Variants in ZFYVE26 observed in about 807,000 individuals in gnomAD.
ZFYVE26 encodes zinc finger FYVE-type containing 26, also known as zinc finger FYVE domain-containing protein 26.
In ZFYVE26, 181 loss-of-function variants were observed where a neutral mutation model predicts 276.5. The ratio of observed to expected loss-of-function variants is 0.65; its 90% CI spans 0.58 to 0.74. The LOEUF (loss-of-function observed/expected upper bound fraction) is 0.74. ZFYVE26 is among the 30% of genes least tolerant of loss of function. The pLI, the probability that ZFYVE26 is intolerant of heterozygous loss-of-function variation, is 0.00. For synonymous variants in ZFYVE26, 1,129 were observed against 1,203.1 expected (o/e 0.94, Z 1.27); for missense variants, 2,821 against 3,097.9 (o/e 0.91, Z 2.12).
intron 13 of ZFYVE26, among the ~76,000 whole-genome samples, chr14:67,740,070 C>A (rs879395790): frequency 1.6e-4 from 24 of 152,184 alleles, no homozygotes; most frequent in Admixed American, 4.6e-4. Context: ...TCTATTGGAT[C>A]CCCTGTATCC....
In ZFYVE26 at chr14:67,785,232, T is replaced by C; in HGVS notation, c.3350A>G (p.Gln1117Arg). The change falls in exon 19 of 42, where the codon CAG becomes CGG. Residue 1117 changes from glutamine (Q) to arginine (R), a missense_variant. Gln to Arg is a conservative substitution (Grantham distance 43, BLOSUM62 1). Coordinates refer to ENST00000347230, the MANE Select transcript of ZFYVE26 (RefSeq NM_015346.4). ...GTGGGCCTCTGCCTCTGGAGCTTTC[T>C]GGGCTGCCTGCTCCACCAGGGAAGA... ...PLSSLVEQAA[Q>R]KAPEAEAHPV... 3 of 1,613,398 alleles carry C rather than the reference T, an allele frequency of 1.9e-6. No individual in the cohort carries two copies. Among genetic ancestry groups the C allele is most frequent in the Non-Finnish European group, 2.5e-6 (3 of 1,179,578 alleles).
Position 67,799,645 on chromosome 14 carries a change from T to C in ZFYVE26, c.1640-1023A>G, listed in dbSNP as rs1410549761. 18 of 1,356,848 alleles carry C rather than the reference T, an allele frequency of 1.3e-5. No individual in the cohort carries two copies. In the Admixed American group the frequency reaches 2.2e-4, roughly 17 times the overall value. The allele number at this position is 1,356,848 out of a possible 1,614,324, so 84.1% of individuals were successfully genotyped here. A position where few individuals can be genotyped will look rare whatever the true frequency, so the allele number is the denominator to read the frequency against. ...CTCTTCAAAGGTCCTTAGGTGTAAATTGATGCCATGGTAGGCAAGGTGCTG... is the reference window on the plus strand; with the variant it reads ...CTCTTCAAAGGTCCTTAGGTGTAAACTGATGCCATGGTAGGCAAGGTGCTG... On this transcript the variant is annotated intron_variant, in intron 10 of 41. Transcript: ENST00000347230.
Position 67,769,741 on chromosome 14 carries a change from C to T in ZFYVE26, c.5485-11G>A, listed in dbSNP as rs1373101274. 1.2e-6 allele frequency: 2 copies of T among 1,613,890 alleles called. No homozygotes were observed. Among genetic ancestry groups the T allele is most frequent in the South Asian group, 2.2e-5 (2 of 91,070 alleles). On this transcript the variant is annotated splice_polypyrimidine_tract_variant and intron_variant, in intron 28 of 41. Coordinates refer to ENST00000347230, the MANE Select transcript of ZFYVE26 (RefSeq NM_015346.4). Reference sequence around the variant, plus strand: ...ATGACGCCTGTTAAACTGAGGAATGCCATCAGGAGGAGAAGAAAGAGGGAG... The same window carrying T: ...ATGACGCCTGTTAAACTGAGGAATGTCATCAGGAGGAGAAGAAAGAGGGAG...
chr14:67,803,999 G>C lies in ZFYVE26; in HGVS notation c.1435+102C>G, dbSNP rs895057538. ...GAGGAGACCTCCTCACCACCCTCTT[G>C]AAAGATCTCAGCAATCACATCTGGA... On this transcript the variant is annotated intron_variant, in intron 9 of 41. Transcript: ENST00000347230. The C allele has an allele frequency of 1.1e-4, 162 of 1,521,980 alleles. 1 individual carries two copies. Among genetic ancestry groups the C allele is most frequent in the Admixed American group, 1.5e-4 (9 of 59,524 alleles). 94.3% of individuals were successfully genotyped at this position (1,521,980 alleles called of 1,614,324 possible).
chr14:67,813,517 A>G (rs1329471014), intron 3 of ZFYVE26, among the ~76,000 whole-genome samples: 1 of 151,386 alleles, frequency 6.6e-6, no homozygotes, highest in Non-Finnish European at 1.5e-5. Flanking sequence ...ACTTGTTTTT[A>G]TATCTGGTAA....
intron 26 of ZFYVE26, 56 bp downstream of exon 26, chr14:67,775,804 G>T: frequency 1.2e-6 from 2 of 1,612,620 alleles, no homozygotes; most frequent in Non-Finnish European, 8.5e-7. Flanking sequence ...AACTAAGAAT[G>T]CAGCATGGCA....
In ZFYVE26 at chr14:67,757,654, CTTTCTTTCTT is replaced by C. The variant is rs1235861626; in HGVS notation, c.6589-1519_6589-1510del. On this transcript the variant is annotated intron_variant, in intron 35 of 41. Transcript: ENST00000347230. ...CAGATATTTTTGTCTTTCTTTCTTTCTTTCTTTCTTTCTTTCTTTCTTTCTTTCTCTCTCT... is the reference window on the plus strand; with the variant it reads ...CAGATATTTTTGTCTTTCTTTCTTTCTCTTTCTTTCTTTCTTTCTCTCTCT... Among the ~76,000 whole-genome samples the C allele has an allele frequency of 7.4e-3, 250 of 33,760 alleles. 1 individual carries two copies. Among genetic ancestry groups the C allele is most frequent in the Middle Eastern group, 0.038 (4 of 104 alleles). The allele number at this position is 33,760 out of a possible 152,430, so 22.1% of individuals were successfully genotyped here. A position where few individuals can be genotyped will look rare whatever the true frequency, so the allele number is the denominator to read the frequency against.
rs746778852 is a variant in ZFYVE26, at chr14:67,809,270, A to T, written c.293T>A (p.Phe98Tyr). The T allele has an allele frequency of 2.5e-6, 4 of 1,614,012 alleles. No individual in the cohort carries two copies. The Admixed American group carries it at 6.7e-5, about 27-fold the overall frequency. The change falls in exon 4 of 42, where the codon TTC (phenylalanine) becomes TAC (tyrosine). Residue 98 changes from phenylalanine to tyrosine, a missense_variant. Physicochemically the swap from Phe to Tyr is conservative, Grantham distance 22 (BLOSUM62 3). Transcript: ENST00000347230. ...AREKKLLPVV[F>Y]RRKLEFLLLS... is the part of the protein sequence containing the mutation. ...TAAAAGAAACTCAAGCTTTCTCCGG[A>T]AAACAACTGGGAGTAACTTCTAGAA...
chr14:67,768,892 T>A (rs1306136372), intron 29 of ZFYVE26, among the ~76,000 whole-genome samples: 2 of 152,122 alleles, frequency 1.3e-5, no homozygotes, highest in Non-Finnish European at 2.9e-5. Context: ...AATAATGCTA[T>A]GGAGGAGAAT....
In ZFYVE26 at chr14:67,797,740, C is replaced by T. The variant is rs772679356; in HGVS notation, c.2264G>A (p.Arg755Gln). The change falls in exon 12 of 42, where the codon CGA becomes CAA. Residue 755 changes from arginine (R) to glutamine (Q), a missense_variant. By Grantham distance (43) the Arg-to-Gln change is conservative. Coordinates refer to ENST00000347230, the MANE Select transcript of ZFYVE26 (RefSeq NM_015346.4). Reference sequence around the variant, plus strand: ...GTGACGTGTGGCAGGCTGGTATCTTCGGGAAGGTTGCTCCTCTGAAAGAGC... The same window carrying T: ...GTGACGTGTGGCAGGCTGGTATCTTTGGGAAGGTTGCTCCTCTGAAAGAGC... ...SNHRSEEQPS[R>Q]RYQPATRHPS... is the part of the protein sequence containing the mutation. 5.0e-5 allele frequency: 80 copies of T among 1,613,928 alleles called. No homozygotes were observed. The highest frequency in any genetic ancestry group is 9.9e-5 in the South Asian group (9 of 91,080).
intron 11 of ZFYVE26, 91 bp from the exon 12 acceptor site, chr14:67,797,846 T>C: frequency 1.9e-6 from 3 of 1,582,880 alleles, no homozygotes; most frequent in Non-Finnish European, 2.6e-6. Context: ...AGGTTTGCAC[T>C]GGGCTCTGAG....
chr14:67,742,703 G>A (rs538672364), downstream of ZFYVE26, among the ~76,000 whole-genome samples: 4 of 152,122 alleles, frequency 2.6e-5, no homozygotes, highest in Non-Finnish European at 4.4e-5. Flanking sequence ...TTTGGACATA[G>A]CTTGGACATA....
chr14:67,766,103 G>A, intron 32 of ZFYVE26, 124 bp downstream of exon 32: 1 of 982,996 alleles, frequency 1.0e-6, no homozygotes, highest in Non-Finnish European at 1.6e-6. Context: ...TTACACAGAT[G>A]AAAAATCTTT....
In ZFYVE26 at chr14:67,729,382, T is replaced by C. The variant is rs878853338; in HGVS notation, n.3117A>G. On this transcript the variant is annotated non_coding_transcript_exon_variant, in exon 14 of 15. Coordinates refer to the ZFYVE26 transcript ENST00000394455. ...GCCCCTGAGTGGCAAGTACTTCAGGTGTGTGAAGGCAATGCGGTTCTCTCC... is the reference window on the plus strand; with the variant it reads ...GCCCCTGAGTGGCAAGTACTTCAGGCGTGTGAAGGCAATGCGGTTCTCTCC... 6.3e-7 allele frequency: 1 copy of C among 1,597,106 alleles called. No individual in the cohort carries two copies. Among genetic ancestry groups the C allele is most frequent in the Non-Finnish European group, 8.5e-7 (1 of 1,179,622 alleles).
At chr14:67,791,116 A>G (rs969806649) in intron 14 of ZFYVE26, among the ~76,000 whole-genome samples, 5 of 152,240 alleles carry the variant, frequency 3.3e-5, no homozygotes, top group Admixed American at 2.6e-4. Context: ...ATAACAAAGC[A>G]CAAAAATAAA....
chr14:67,754,916 ACT>A, intron 37 of ZFYVE26, 133 bp downstream of exon 37: 1 of 1,015,844 alleles, frequency 9.8e-7, no homozygotes, highest in Admixed American at 1.8e-5. Context: ...TGTACTACAC[ACT>A]GTCATCCAGG....
At position 67,783,364 on chromosome 14, in the gene ZFYVE26, T is replaced by A. The variant is rs753068215; in HGVS notation, c.3788A>T (p.His1263Leu). Reference protein sequence around the residue: ...LGTLAQLHASHCLDDLPLSTP... With the variant: ...LGTLAQLHASLCLDDLPLSTP... The stretch of plus-strand genomic sequence containing the variant: ...AGAAAGTGGGAGGTCATCCAGGCAG[T>A]GAGAGGCGTGTAGCTGGGCCAGAGT... The change falls in exon 21 of 42, where the codon CAC becomes CTC. Residue 1263 changes from histidine (H) to leucine (L), a missense_variant. Physicochemically the swap from His to Leu is moderately conservative, Grantham distance 99 (BLOSUM62 -3). Coordinates refer to ENST00000347230, the MANE Select transcript of ZFYVE26 (RefSeq NM_015346.4). The A allele has an allele frequency of 2.9e-5, 46 of 1,613,118 alleles. No homozygotes were observed. Among genetic ancestry groups the A allele is most frequent in the Non-Finnish European group, 3.6e-5 (43 of 1,179,406 alleles).
intron 29 of ZFYVE26, 130 bp from the exon 30 acceptor site, chr14:67,768,678 A>T: frequency 1.2e-6 from 1 of 846,828 alleles, no homozygotes. Flanking sequence ...AGAATTGTTG[A>T]ATGAAAGAGT....
chr14:67,733,920 C>A, intron 13 of ZFYVE26: 1 of 1,143,158 alleles, frequency 8.7e-7, no homozygotes, highest in Non-Finnish European at 1.3e-6. Flanking sequence ...AGAAGGCCAA[C>A]CCTAAAGGAT....
Sources: allele counts gnomAD v4.1 joint callset (sites outside exome capture counted in the v4.1 genomes callset), GRCh38; gene constraint gnomAD v4.1.1; transcripts MANE v1.5; gene names NCBI Gene and HGNC (gene_info 2026-07-23, HGNC 2026-07-21).